Variants in ACIN1 observed in about 807,000 individuals in gnomAD.
ACIN1 encodes apoptotic chromatin condensation inducer 1.
A neutral mutation model predicts 146.6 loss-of-function variants in ACIN1; 16 were observed. That is an observed-to-expected ratio of 0.11 (90% CI 0.07 to 0.17). The LOEUF is 0.17. Ranked by LOEUF, ACIN1 falls within the 10% of genes least tolerant of loss-of-function variation. The probability of loss-of-function intolerance (pLI) is 1.00; values close to 1 mark genes in which losing one functional copy is unlikely to be tolerated. For missense variants in ACIN1, 1,357 were observed against 1,609.3 expected, an observed-to-expected ratio of 0.84 and a Z score of 2.68; for synonymous variants, 569 against 582.7, an observed-to-expected ratio of 0.98 and a Z score of 0.34.
chr14:23,059,027 G>T lies in ACIN1; in HGVS notation c.*121C>A. 1 of 900,434 alleles carries T rather than the reference G, an allele frequency of 1.1e-6. No homozygotes were observed. Among genetic ancestry groups the T allele is most frequent in the Non-Finnish European group, 1.7e-6 (1 of 578,272 alleles). The allele number at this position is 900,434 out of a possible 1,614,324, so 55.8% of individuals were successfully genotyped here. A position where few individuals can be genotyped will look rare whatever the true frequency, so the allele number is the denominator to read the frequency against. On this transcript the variant is annotated 3_prime_UTR_variant, in exon 19 of 19. Coordinates refer to ENST00000605057, the MANE Select transcript of ACIN1 (RefSeq NM_001386863.1). Reference sequence around the variant, plus strand: ...GGCCACTTTTCCATTTGGTATGTATGTAGGGATAGGTGATGTGAAAGACCC... The same window carrying T: ...GGCCACTTTTCCATTTGGTATGTATTTAGGGATAGGTGATGTGAAAGACCC...
rs1384389689 is a variant in ACIN1 at position 23,063,247 on chromosome 14, T to C, written c.2738-173A>G. On this transcript the variant is annotated intron_variant, in intron 13 of 18. Transcript: ENST00000605057. The stretch of plus-strand genomic sequence containing the variant: ...CTGTGCTAGGCTAACCTCCTCATCA[T>C]GGAGATTCAAAGATTAAACAGAGTC... 4 of 1,100,164 alleles carry C rather than the reference T, an allele frequency of 3.6e-6. No individual in the cohort carries two copies. The South Asian group carries it at 4.8e-5, about 13-fold the overall frequency. 68.2% of individuals were successfully genotyped at this position (1,100,164 alleles called of 1,614,324 possible).
At chr14:23,070,991 G>C (rs1408110672) in intron 8 of ACIN1, 1 of 1,023,210 alleles carries the variant, frequency 9.8e-7, no homozygotes, top group African/African-American at 1.6e-5. Flanking sequence ...GGGCAGGCAG[G>C]ACAAAGGGGG....
intron 4 of ACIN1, among the ~76,000 whole-genome samples, chr14:23,084,995 T>G (rs2048050809): frequency 6.6e-6 from 1 of 152,130 alleles, no homozygotes; most frequent in Admixed American, 6.6e-5. Context: ...GAAGCTGATT[T>G]ATCTCACACA....
At chr14:23,089,115 A>G (rs2048161608) in intron 4 of ACIN1, among the ~76,000 whole-genome samples, 1 of 152,200 alleles carries the variant, frequency 6.6e-6, no homozygotes, top group Non-Finnish European at 1.5e-5. Flanking sequence ...ATCTTGGCTC[A>G]CTGCAACCTC....
At chr14:23,061,769 C>G (rs866404478) in intron 16 of ACIN1, 147 bp from the exon 17 acceptor site, 30 of 680,922 alleles carry the variant, frequency 4.4e-5, no homozygotes, top group East Asian at 1.7e-4. Flanking sequence ...GTCAGGAGAC[C>G]GAGACCATCC....
At chr14:23,066,804 T>C (rs1416910597) in intron 9 of ACIN1, among the ~76,000 whole-genome samples, 1 of 152,158 alleles carries the variant, frequency 6.6e-6, no homozygotes, top group Non-Finnish European at 1.5e-5. Flanking sequence ...TTAGGGGCTC[T>C]GCCAAAGACC....
Position 23,095,029 on chromosome 14 carries a change from C to T in ACIN1, c.84G>A (p.Gln28=). Residue 28 remains glutamine, a synonymous_variant, in exon 1 of 19, where the codon CAG becomes CAA. Transcript: ENST00000605057. The part of the protein sequence containing the change: ...RVTDLKAALE[Q]RGLAKSGQKS... ...TCTGCCCGCTCTTGGCTAGGCCTCG[C>T]TGCTCCAGTGCGGCCTTCAGGTCGG... The T allele has an allele frequency of 6.2e-7, 1 of 1,612,718 alleles. No individual in the cohort carries two copies. The highest frequency in any genetic ancestry group is 1.1e-5 in the South Asian group (1 of 91,078).
At chr14:23,095,297 C>G (rs760216082), upstream of ACIN1, 6 of 1,586,706 alleles carry the variant, frequency 3.8e-6, no homozygotes, top group South Asian at 6.7e-5. Context: ...CGTTACCAAT[C>G]AATTCTTTCC....
Position 23,080,312 on chromosome 14 carries a change from G to C in ACIN1, c.1023C>G (p.Ala341=), listed in dbSNP as rs1300193226. ...TTTGCTCTGGCAGCGCTACAAGTGA[G>C]GCCTTCTTTCGATCTTCAGTCAGTC... ...PPRLTEDRKK[A]SLVALPEQTA... is the part of the protein sequence containing the mutation. Residue 341 remains alanine, a synonymous_variant, in exon 6 of 19, where the codon GCC becomes GCG. Coordinates refer to ENST00000605057, the MANE Select transcript of ACIN1 (RefSeq NM_001386863.1). The C allele has an allele frequency of 4.3e-6, 7 of 1,614,144 alleles. No individual in the cohort carries two copies. The highest frequency in any genetic ancestry group is 5.9e-6 in the Non-Finnish European group (7 of 1,180,008).
rs1455530717 is a variant in ACIN1, at chr14:23,078,805, G to T, written c.2007+15C>A. 4 of 1,610,530 alleles carry T rather than the reference G, an allele frequency of 2.5e-6. No homozygotes were observed. Among genetic ancestry groups the T allele is most frequent in the Non-Finnish European group, 3.4e-6 (4 of 1,178,834 alleles). On this transcript the variant is annotated intron_variant, in intron 7 of 18. Coordinates refer to ENST00000605057, the MANE Select transcript of ACIN1 (RefSeq NM_001386863.1). The stretch of plus-strand genomic sequence containing the variant: ...ATCCTCCATCTCTGTGTAGGGAGGG[G>T]TCACAATAGCCTACCCGCTCAGGCT...
chr14:23,080,579 C>G lies in ACIN1; in HGVS notation c.756G>C (p.Glu252Asp). The G allele has an allele frequency of 6.2e-7, 1 of 1,614,110 alleles. No homozygotes were observed. Among genetic ancestry groups the G allele is most frequent in the Non-Finnish European group, 8.5e-7 (1 of 1,180,018 alleles). Residue 252 changes from glutamate to aspartate, a missense_variant, in exon 6 of 19, where the codon GAG becomes GAC. By Grantham distance (45) the Glu-to-Asp change is conservative. Around this residue, in one of 4 missense-constraint regions of ACIN1, gnomAD observed 771 missense variants for 746.6 expected, o/e 1.03. Transcript: ENST00000605057. ...ILKEFKEEGE[E>D]IPRVKPEEMM... is the part of the protein sequence containing the mutation. The stretch of plus-strand genomic sequence containing the variant: ...TCTCCTCTGGTTTTACTCTAGGTAT[C>G]TCTTCCCCTTCTTCCTTAAACTCTT...
chr14:23,060,483 T>C (rs113051660), intron 18 of ACIN1, among the ~76,000 whole-genome samples: 2,723 of 152,184 alleles, frequency 0.018, 87 homozygotes, highest in African/African-American at 0.061. Flanking sequence ...TAAAACACGA[T>C]TTCTCAGCTA....
chr14:23,064,078 C>G lies in ACIN1; in HGVS notation c.2595+27G>C, dbSNP rs367925618. On this transcript the variant is annotated intron_variant, in intron 12 of 18. Coordinates refer to ENST00000605057, the MANE Select transcript of ACIN1 (RefSeq NM_001386863.1). ...CTGCATCTACTGCTCCCACCTTTCC[C>G]CTGACACTGGGGTGCAGAAGCCTTA... 8 of 1,613,110 alleles carry G rather than the reference C, an allele frequency of 5.0e-6. No homozygotes were observed. The African/African-American group carries it at 8.0e-5, about 16-fold the overall frequency.
Position 23,059,249 on chromosome 14 carries a change from C to T in ACIN1, c.3751G>A (p.Asp1251Asn). Residue 1251 changes from aspartate to asparagine, a missense_variant, in exon 19 of 19, where the codon GAC (aspartate) becomes AAC (asparagine). Around this residue, in one of 4 missense-constraint regions of ACIN1, gnomAD observed 509 missense variants for 719.6 expected, o/e 0.71. Transcript: ENST00000605057. ...TCCCTTTCCCTGCCTCGTTCTCGGT[C>T]CCTTTCCCTATCCCGATCTCGGTCC... is the stretch of plus-strand genomic sequence containing the variant. ...RGDRDRDRERDRERGRERDRR... is the reference protein window; with the variant it reads ...RGDRDRDRERNRERGRERDRR... 6.2e-7 allele frequency: 1 copy of T among 1,613,518 alleles called. No individual in the cohort carries two copies. Among genetic ancestry groups the T allele is most frequent in the South Asian group, 1.1e-5 (1 of 91,054 alleles).
chr14:23,079,782 G>A lies in ACIN1; in HGVS notation c.1553C>T (p.Ser518Leu). The A allele has an allele frequency of 6.2e-7, 1 of 1,614,196 alleles. No individual in the cohort carries two copies. The highest frequency in any genetic ancestry group is 2.2e-5 in the East Asian group (1 of 44,888). Reference sequence around the variant, plus strand: ...AGATGAGGAGGACCGGCTAGAGGATGAATCAGCTGACTGTTTCAATCTGTG... The same window carrying A: ...AGATGAGGAGGACCGGCTAGAGGATAAATCAGCTGACTGTTTCAATCTGTG... ...PSHRLKQSAD[S>L]SSSRSSSSSS... is the part of the protein sequence containing the mutation. The change falls in exon 6 of 19, where the codon TCA (serine) becomes TTA (leucine). Residue 518 changes from serine to leucine, a missense_variant. Coordinates refer to ENST00000605057, the MANE Select transcript of ACIN1 (RefSeq NM_001386863.1).
intron 18 of ACIN1, among the ~76,000 whole-genome samples, chr14:23,060,540 T>G (rs1421931051): frequency 6.6e-6 from 1 of 152,018 alleles, no homozygotes; most frequent in African/African-American, 2.4e-5. Flanking sequence ...GAGACAGAGT[T>G]TTGTTCTTGT....
At chr14:23,075,274 G>T (rs1401008746) in intron 8 of ACIN1, among the ~76,000 whole-genome samples, 1 of 150,652 alleles carries the variant, frequency 6.6e-6, no homozygotes, top group Non-Finnish European at 1.5e-5. Context: ...AACTACAGCT[G>T]AATGATACAG....
In ACIN1 at chr14:23,069,621, A is replaced by G. The variant is rs370091556; in HGVS notation, c.2124-4T>C. On this transcript the variant is annotated splice_polypyrimidine_tract_variant and splice_region_variant and intron_variant, in intron 8 of 18. Coordinates refer to ENST00000605057, the MANE Select transcript of ACIN1 (RefSeq NM_001386863.1). The stretch of plus-strand genomic sequence containing the variant: ...GGTCACTTCCTCCTTCTCCTCACTG[A>G]CAGGAGGGGGGAGTGGTGGTGGGGG... 3 of 662,460 alleles carry G rather than the reference A, an allele frequency of 4.5e-6. No homozygotes were observed. Among genetic ancestry groups the G allele is most frequent in the Non-Finnish European group, 7.7e-6 (3 of 387,628 alleles). 41.0% of individuals were successfully genotyped at this position (662,460 alleles called of 1,614,324 possible).
intron 9 of ACIN1, 32 bp downstream of exon 9, chr14:23,069,444 C>T (rs1356671285): frequency 6.2e-7 from 1 of 1,605,944 alleles, no homozygotes; most frequent in Non-Finnish European, 8.5e-7. Context: ...CATTCCTGCC[C>T]ACCCGCCCCA....
Sources: gnomAD v4.1 joint callset for allele counts (sites outside exome capture counted in the v4.1 genomes callset) on GRCh38, gnomAD v4.1.1 for gene constraint, gnomAD v4.1.1 regional missense constraint, MANE v1.5 for transcripts, NCBI Gene and HGNC (gene_info 2026-07-23, HGNC 2026-07-21) for gene names.